The following PEPD variants were observed in gnomAD, a reference collection of about 807,000 sequenced individuals.
PEPD encodes peptidase D, also known as xaa-Pro dipeptidase.
A neutral mutation model predicts 60.7 loss-of-function variants in PEPD; 53 were observed. That is an observed-to-expected ratio of 0.87 (90% CI 0.70 to 1.10). The LOEUF is 1.10. Among genes scored for constraint, PEPD ranks in the 50% least tolerant of loss-of-function variants. The pLI, the probability that PEPD is intolerant of heterozygous loss-of-function variation, is 0.00. For synonymous variants in PEPD, 267 were observed against 284.1 expected (o/e 0.94, Z 0.60); for missense variants, 711 against 711.9 (o/e 1.00, Z 0.01).
At chr19:33,495,470 C>T (rs1277731345) in intron 4 of PEPD, among the ~76,000 whole-genome samples, 1 of 151,374 alleles carries the variant, frequency 6.6e-6, no homozygotes, top group African/African-American at 2.4e-5. Flanking sequence ...TGCACTCCAG[C>T]CTGTTGGGTG....
intron 9 of PEPD, among the ~76,000 whole-genome samples, chr19:33,455,360 G>A (rs919575271): frequency 6.6e-6 from 1 of 151,788 alleles, no homozygotes; most frequent in Non-Finnish European, 1.5e-5. Context: ...AAAGGCCAAG[G>A]GAGATGCTGA....
intron 9 of PEPD, among the ~76,000 whole-genome samples, chr19:33,424,489 A>C (rs774941923): frequency 1.3e-5 from 2 of 152,290 alleles, no homozygotes; most frequent in Non-Finnish European, 2.9e-5. Context: ...AATCTCACTA[A>C]TCCATGCTGA....
At chr19:33,458,770 G>T in intron 9 of PEPD, among the ~76,000 whole-genome samples, 1 of 116,818 alleles carries the variant, frequency 8.6e-6, no homozygotes, top group African/African-American at 3.3e-5. Flanking sequence ...TGTATGGTAT[G>T]TGTGGGGGTG....
At chr19:33,510,946 C>G (rs756790290) in intron 3 of PEPD, 82 bp downstream of exon 3, 236 of 1,453,590 alleles carry the variant, frequency 1.6e-4, no homozygotes, top group Non-Finnish European at 2.0e-4. Context: ...CCAGGCCCAA[C>G]CCAGCTCTCT....
intron 13 of PEPD, among the ~76,000 whole-genome samples, chr19:33,390,191 AG>A (rs1438574788): frequency 1.3e-5 from 2 of 152,236 alleles, no homozygotes; most frequent in Non-Finnish European, 2.9e-5. Flanking sequence ...GAGCACAAAG[AG>A]GTGCTTACTG....
intron 5 of PEPD, among the ~76,000 whole-genome samples, chr19:33,492,752 C>T (rs531222636): frequency 9.2e-5 from 14 of 151,430 alleles, no homozygotes; most frequent in Admixed American, 5.3e-4. Flanking sequence ...GTGGGTGTGG[C>T]GCCAGGCCCA....
intron 6 of PEPD, among the ~76,000 whole-genome samples, chr19:33,489,060 A>G (rs1432086135): frequency 1.3e-5 from 2 of 151,972 alleles, no homozygotes; most frequent in Non-Finnish European, 2.9e-5. Flanking sequence ...AAGCACATCC[A>G]GTGGGCAGGG....
At position 33,521,791 on chromosome 19, in the gene PEPD, C is replaced by A. The variant is rs566130356; in HGVS notation, c.-31G>T. ...CCCGGCACCGGCGTCACGTGAAGTG[C>A]GGCGTCAGCTGAGCCCCTCCGGGTG... On this transcript the variant is annotated 5_prime_UTR_variant, in exon 1 of 15. Transcript: ENST00000244137. 21 of 1,375,356 alleles carry A rather than the reference C, an allele frequency of 1.5e-5. No homozygotes were observed. The highest frequency in any genetic ancestry group is 1.4e-4 in the Admixed American group (7 of 48,780). The allele number at this position is 1,375,356 out of a possible 1,614,324, so 85.2% of individuals were successfully genotyped here.
chr19:33,498,800 A>G (rs970046647), intron 4 of PEPD, among the ~76,000 whole-genome samples: 5 of 150,154 alleles, frequency 3.3e-5, no homozygotes, highest in African/African-American at 1.2e-4. Flanking sequence ...GCAGGTGCCC[A>G]TGCCGCCAGA....
chr19:33,428,251 C>T (rs921590769), intron 9 of PEPD, among the ~76,000 whole-genome samples: 10 of 152,182 alleles, frequency 6.6e-5, no homozygotes, highest in Admixed American at 2.6e-4. Context: ...CCGTGGATGC[C>T]GGGTTTCCTG....
chr19:33,407,063 C>A (rs528041388), intron 11 of PEPD, among the ~76,000 whole-genome samples: 1 of 152,050 alleles, frequency 6.6e-6, no homozygotes, highest in Non-Finnish European at 1.5e-5. Context: ...CCAGCTGCAT[C>A]CCGACTGGGA....
At chr19:33,419,439 T>C (rs979491609) in intron 9 of PEPD, among the ~76,000 whole-genome samples, 7 of 152,176 alleles carry the variant, frequency 4.6e-5, no homozygotes, top group Admixed American at 2.0e-4. Flanking sequence ...TAACAACCCT[T>C]TGGGGGCTGA....
chr19:33,409,332 TC>T (rs1462385222), intron 11 of PEPD, among the ~76,000 whole-genome samples: 1 of 152,170 alleles, frequency 6.6e-6, no homozygotes, highest in Non-Finnish European at 1.5e-5. Flanking sequence ...TGTCCTGTCC[TC>T]CAGGCCCAGC....
intron 6 of PEPD, among the ~76,000 whole-genome samples, chr19:33,479,169 T>A (rs530914865): frequency 2.6e-5 from 4 of 151,068 alleles, no homozygotes; most frequent in Non-Finnish European, 4.4e-5. Flanking sequence ...TCAATTGTAA[T>A]CCCCATAATC....
chr19:33,387,649 G>A, intron 14 of PEPD, 168 bp from the exon 15 acceptor site: 1 of 898,394 alleles, frequency 1.1e-6, no homozygotes, highest in Non-Finnish European at 1.8e-6. Context: ...CATGTCACCT[G>A]CTCACCCTGT....
chr19:33,427,792 T>C (rs1969182626), intron 9 of PEPD, among the ~76,000 whole-genome samples: 1 of 152,254 alleles, frequency 6.6e-6, no homozygotes, highest in Non-Finnish European at 1.5e-5. Flanking sequence ...TTTGTGCTTT[T>C]AATTATATCT....
intron 4 of PEPD, among the ~76,000 whole-genome samples, chr19:33,500,646 G>A (rs1037141079): frequency 6.6e-6 from 1 of 152,178 alleles, no homozygotes; most frequent in East Asian, 1.9e-4. Context: ...AGGCAGGCCC[G>A]CCTCTCAGAG....
At chr19:33,411,269 G>C (rs73586216) in intron 11 of PEPD, among the ~76,000 whole-genome samples, 1 of 152,230 alleles carries the variant, frequency 6.6e-6, no homozygotes, top group East Asian at 1.9e-4. Flanking sequence ...GGCTCCCTGC[G>C]GTCTTCCCAG....
intron 7 of PEPD, among the ~76,000 whole-genome samples, chr19:33,466,160 CA>C (rs1223881818): frequency 6.6e-6 from 1 of 152,148 alleles, no homozygotes. Flanking sequence ...CAGATAAAAT[CA>C]ATAGGAAGCT....
Sources: gnomAD v4.1 joint callset for allele counts (sites outside exome capture counted in the v4.1 genomes callset) on GRCh38, gnomAD v4.1.1 for gene constraint, MANE v1.5 for transcripts, NCBI Gene and HGNC (gene_info 2026-07-23, HGNC 2026-07-21) for gene names.